The following TYW1B variants were observed in gnomAD, a reference collection of about 807,000 sequenced individuals.
TYW1B encodes tRNA-yW synthesizing protein 1 homolog B.
In TYW1B, 73 loss-of-function variants were observed where a neutral mutation model predicts 86.9. The observed-to-expected ratio is 0.84, with a 90% CI of 0.70 to 1.02. The LOEUF (loss-of-function observed/expected upper bound fraction) is 1.02, where lower values mean the gene tolerates loss of function less well. Ranked by LOEUF, TYW1B falls within the 50% of genes least tolerant of loss-of-function variation. TYW1B has a pLI of 0.00. For missense variants in TYW1B, 637 were observed against 827.4 expected (o/e 0.77, Z 2.82); for synonymous variants, 248 against 292.8 (o/e 0.85, Z 1.56).
At chr7:72,808,055 T>C (rs1788529461) in intron 4 of TYW1B, among the ~76,000 whole-genome samples, 1 of 149,846 alleles carries the variant, frequency 6.7e-6, no homozygotes, top group Non-Finnish European at 1.5e-5. Context: ...GCCGAGATTG[T>C]GCCATTGCAC....
chr7:72,583,448 G>A (rs547255254), intron 13 of TYW1B, among the ~76,000 whole-genome samples: 3 of 152,132 alleles, frequency 2.0e-5, no homozygotes, highest in Non-Finnish European at 4.4e-5. Flanking sequence ...AATACCAAAT[G>A]AATCACCTAG....
chr7:72,599,502 A>G (rs1554433275), intron 13 of TYW1B, among the ~76,000 whole-genome samples: 2 of 152,152 alleles, frequency 1.3e-5, no homozygotes, highest in Non-Finnish European at 1.5e-5. Context: ...CCCTCTCACC[A>G]TTCCTATTCA....
At chr7:72,787,639 C>T (rs552102796) in intron 6 of TYW1B, among the ~76,000 whole-genome samples, 13 of 151,440 alleles carry the variant, frequency 8.6e-5, no homozygotes, top group Non-Finnish European at 1.8e-4. Context: ...GTCGTGGTGG[C>T]GCGTACCTGC....
At chr7:72,583,517 GAGGGTACA>G (rs1281705430) in intron 13 of TYW1B, among the ~76,000 whole-genome samples, 1 of 152,194 alleles carries the variant, frequency 6.6e-6, no homozygotes, top group Non-Finnish European at 1.5e-5. Flanking sequence ...TGTGTTTGAG[GAGGGTACA>G]AGGAAATGCT....
At chr7:72,674,698 G>A (rs782501267) in intron 11 of TYW1B, among the ~76,000 whole-genome samples, 6 of 150,358 alleles carry the variant, frequency 4.0e-5, no homozygotes, top group Non-Finnish European at 8.9e-5. Context: ...ATTGTTTCCT[G>A]TTAGGTAGGC....
At chr7:72,616,357 C>T in intron 13 of TYW1B, among the ~76,000 whole-genome samples, 1 of 152,170 alleles carries the variant, frequency 6.6e-6, no homozygotes, top group Non-Finnish European at 1.5e-5. Flanking sequence ...TAGCTTTTCC[C>T]TGTCATTCCA....
chr7:72,695,238 A>G (rs1268894075), intron 10 of TYW1B, among the ~76,000 whole-genome samples: 1 of 152,086 alleles, frequency 6.6e-6, no homozygotes, highest in African/African-American at 2.4e-5. Flanking sequence ...TCCATCAATC[A>G]CTGACGGAAG....
chr7:72,737,135 A>C (rs1159703361), intron 8 of TYW1B, among the ~76,000 whole-genome samples: 1 of 152,228 alleles, frequency 6.6e-6, no homozygotes, highest in African/African-American at 2.4e-5. Flanking sequence ...CAGCTGAGAA[A>C]CTGAGGCTCA....
At chr7:72,649,582 TC>T (rs1171562249) in intron 11 of TYW1B, among the ~76,000 whole-genome samples, 1 of 152,122 alleles carries the variant, frequency 6.6e-6, no homozygotes, top group Non-Finnish European at 1.5e-5. Flanking sequence ...TATCCATCAC[TC>T]CTGCATCAAA....
intron 8 of TYW1B, 141 bp downstream of exon 8, chr7:72,744,343 T>G: frequency 1.2e-6 from 1 of 855,740 alleles, no homozygotes; most frequent in Non-Finnish European, 1.8e-6. Flanking sequence ...TCTACAAAAT[T>G]TTTATACACT....
chr7:72,673,615 G>T (rs1392538480), intron 11 of TYW1B, among the ~76,000 whole-genome samples: 2 of 152,206 alleles, frequency 1.3e-5, no homozygotes, highest in African/African-American at 4.8e-5. Flanking sequence ...GGTAGTGGGG[G>T]TGTTGGGAGG....
chr7:72,616,558 G>A, intron 13 of TYW1B, 114 bp downstream of exon 13: 1 of 1,514,446 alleles, frequency 6.6e-7, no homozygotes, highest in Non-Finnish European at 9.0e-7. Context: ...TTTGGGAAAG[G>A]TAGCAAGCAC....
intron 10 of TYW1B, among the ~76,000 whole-genome samples, chr7:72,706,030 C>T (rs1158567388): frequency 6.6e-6 from 1 of 152,174 alleles, no homozygotes; most frequent in African/African-American, 2.4e-5. Flanking sequence ...TCTAAACTCA[C>T]ATGTCTACAG....
At position 72,778,330 on chromosome 7, in the gene TYW1B, G is replaced by T. The variant is rs79360961; in HGVS notation, c.847-797C>A. Among the ~76,000 whole-genome samples, 23 of 152,226 alleles carry T rather than the reference G, an allele frequency of 1.5e-4. No homozygotes were observed. In the East Asian group the frequency reaches 3.3e-3, roughly 22 times the overall value. ...CGTTCAACAAATTATAGCTGCTGCTGGTATTACATCTCTAAACCCCAAAAA... is the reference window on the plus strand; with the variant it reads ...CGTTCAACAAATTATAGCTGCTGCTTGTATTACATCTCTAAACCCCAAAAA... On this transcript the variant is annotated intron_variant, in intron 6 of 13. Coordinates refer to ENST00000620995, the MANE Select transcript of TYW1B (RefSeq NM_001145440.3).
rs191391498 is a variant in TYW1B, at chr7:72,593,497, T to C, written c.1786-17778A>G. Among the ~76,000 whole-genome samples the C allele has an allele frequency of 2.1e-3, 313 of 151,960 alleles. 2 individuals carry two copies. Among genetic ancestry groups the C allele is most frequent in the Admixed American group, 0.019 (290 of 15,254 alleles). On this transcript the variant is annotated intron_variant, in intron 13 of 13. Transcript: ENST00000620995. The stretch of plus-strand genomic sequence containing the variant: ...AAAAACATAGATATCATACAAAGCA[T>C]ATTCTCCAAGAACAATGGGATGAAG...
At chr7:72,666,856 C>G (rs545427929) in intron 11 of TYW1B, among the ~76,000 whole-genome samples, 6 of 151,534 alleles carry the variant, frequency 4.0e-5, no homozygotes, top group African/African-American at 1.5e-4. Flanking sequence ...ACAGTGAAAC[C>G]CCATCTCTAC....
chr7:72,577,889 A>T (rs1811062520), intron 13 of TYW1B, among the ~76,000 whole-genome samples: 1 of 152,052 alleles, frequency 6.6e-6, no homozygotes. Flanking sequence ...GTCTTCCTAA[A>T]TCCTGTTAGT....
chr7:72,688,996 G>A (rs1563059670), intron 11 of TYW1B, among the ~76,000 whole-genome samples: 1 of 152,180 alleles, frequency 6.6e-6, no homozygotes, highest in Non-Finnish European at 1.5e-5. Context: ...GCAGAGCAGG[G>A]TAAAATGGCA....
chr7:72,661,415 A>T (rs1242872490), intron 11 of TYW1B, among the ~76,000 whole-genome samples: 9 of 151,562 alleles, frequency 5.9e-5, no homozygotes, highest in Non-Finnish European at 2.9e-5. Context: ...AGGGGGGAAA[A>T]AAAAGACAAG....
Sources: allele counts gnomAD v4.1 joint callset (sites outside exome capture counted in the v4.1 genomes callset), GRCh38; gene constraint gnomAD v4.1.1; transcripts MANE v1.5; gene names NCBI Gene and HGNC (gene_info 2026-07-23, HGNC 2026-07-21).